ABCB7: variants seen among roughly 807,000 people sequenced by gnomAD.
The protein encoded by ABCB7 is ATP binding cassette subfamily B member 7.
ABCB7 carries 7 observed loss-of-function variants against 54.4 expected under a neutral mutation model. The observed-to-expected ratio is 0.13, with a 90% CI of 0.07 to 0.24. ABCB7 has a LOEUF of 0.24. Among genes scored for constraint, ABCB7 ranks in the 10% least tolerant of loss-of-function variants. The probability of loss-of-function intolerance (pLI) is 1.00; values close to 1 mark genes in which losing one functional copy is unlikely to be tolerated. For synonymous variants in ABCB7, 218 were observed against 207.1 expected (o/e 1.05, Z -0.45); for missense variants, 356 against 570.4 (o/e 0.62, Z 3.83).
chrX:75,082,434 C>T (rs896845394), intron 4 of ABCB7, among the ~76,000 whole-genome samples: 3 of 111,677 alleles, frequency 2.7e-5, no homozygotes, highest in Non-Finnish European at 5.6e-5. Flanking sequence ...TTTAAAAGAA[C>T]TGCTAAAGAA....
intron 4 of ABCB7, among the ~76,000 whole-genome samples, chrX:75,097,301 T>TA (rs2081599741): frequency 9.0e-6 from 1 of 111,711 alleles, no homozygotes; most frequent in African/African-American, 3.3e-5. Context: ...ATGTTATTCC[T>TA]ACACCTGTAA....
intron 4 of ABCB7, among the ~76,000 whole-genome samples, chrX:75,080,121 G>A (rs1467043903): frequency 1.8e-5 from 2 of 111,925 alleles, no homozygotes; most frequent in Non-Finnish European, 3.8e-5. Flanking sequence ...CACCCCGAAG[G>A]ACATTTTGGT....
At chrX:75,136,541 T>G (rs1425100998) in intron 1 of ABCB7, among the ~76,000 whole-genome samples, 1 of 111,451 alleles carries the variant, frequency 9.0e-6, no homozygotes, top group African/African-American at 3.3e-5. Flanking sequence ...AAAACAATCC[T>G]AAGCAAAAGC....
At chrX:75,115,300 T>A (rs796489923) in intron 1 of ABCB7, among the ~76,000 whole-genome samples, 1,265 of 52,836 alleles carry the variant, frequency 0.024, 10 homozygotes, top group South Asian at 0.063. Flanking sequence ...AAAAAAAAAA[T>A]GACAAAAATA....
chrX:75,154,808 G>A (rs776835113), intron 1 of ABCB7, among the ~76,000 whole-genome samples: 3 of 111,626 alleles, frequency 2.7e-5, no homozygotes, highest in African/African-American at 9.8e-5. Context: ...TTTAATTGCC[G>A]ATTAATTTAC....
chrX:75,098,713 C>T (rs779414731), intron 4 of ABCB7, among the ~76,000 whole-genome samples: 7 of 111,596 alleles, frequency 6.3e-5, no homozygotes, highest in Non-Finnish European at 1.1e-4. Flanking sequence ...TATCTCACAA[C>T]GGTTTCAAGG....
intron 12 of ABCB7, among the ~76,000 whole-genome samples, chrX:75,067,805 T>C (rs919079768): frequency 3.6e-5 from 4 of 111,013 alleles, no homozygotes; most frequent in African/African-American, 9.8e-5. Context: ...TTACTTAACA[T>C]ACAATCTATG....
chrX:75,059,422 G>T (rs999561341), intron 15 of ABCB7, among the ~76,000 whole-genome samples: 1 of 107,935 alleles, frequency 9.3e-6, no homozygotes, highest in Non-Finnish European at 1.9e-5. Context: ...AGTGAGCCGA[G>T]ATCGCGCCAC....
chrX:75,138,266 A>T (rs1404226119), intron 1 of ABCB7, among the ~76,000 whole-genome samples: 1 of 110,840 alleles, frequency 9.0e-6, no homozygotes, highest in Non-Finnish European at 1.9e-5. Context: ...ACGTGTTCCA[A>T]CAGAAGAAAA....
intron 1 of ABCB7, among the ~76,000 whole-genome samples, chrX:75,141,598 G>A (rs1282994158): frequency 2.7e-5 from 3 of 111,608 alleles, no homozygotes; most frequent in African/African-American, 6.5e-5. Flanking sequence ...TACAAAAGCT[G>A]TTTTCAACTT....
At chrX:75,136,334 G>A (rs749863589) in intron 1 of ABCB7, among the ~76,000 whole-genome samples, 6 of 111,271 alleles carry the variant, frequency 5.4e-5, no homozygotes, top group Non-Finnish European at 1.1e-4. Context: ...ACTGCTAAAA[G>A]AAATCAGAGA....
At chrX:75,061,437 T>C (rs1333730550) in intron 14 of ABCB7, among the ~76,000 whole-genome samples, 1 of 111,766 alleles carries the variant, frequency 8.9e-6, no homozygotes, top group Non-Finnish European at 1.9e-5. Flanking sequence ...TTCCTGTGAA[T>C]GGGGTCTGGT....
chrX:75,115,341 T>C (rs139710876), intron 1 of ABCB7, among the ~76,000 whole-genome samples: 2,000 of 99,479 alleles, frequency 0.02, 82 homozygotes, highest in African/African-American at 0.074. Context: ...AAGTAAATTG[T>C]ATTACCCATT....
chrX:75,078,226 T>C (rs776496237), intron 4 of ABCB7, among the ~76,000 whole-genome samples: 31 of 110,873 alleles, frequency 2.8e-4, no homozygotes, highest in African/African-American at 9.8e-4. Flanking sequence ...CTCTCCCCTA[T>C]CTACCTCGTC....
chrX:75,108,420 T>C lies in ABCB7; in HGVS notation c.333+4466A>G, dbSNP rs768931420. On this transcript the variant is annotated intron_variant, in intron 3 of 15. Transcript: ENST00000373394. ...TTACAGCAGATCCTCGGTGAGAACC[T>C]GTTCCTCCTCTGCTATCAGAATATA... Among the ~76,000 whole-genome samples, 7 of 111,850 alleles carry C rather than the reference T, an allele frequency of 6.3e-5. No homozygotes were observed. The South Asian group carries it at 2.6e-3, about 42-fold the overall frequency.
At chrX:75,118,419 C>T (rs1178130574) in intron 1 of ABCB7, among the ~76,000 whole-genome samples, 1 of 105,475 alleles carries the variant, frequency 9.5e-6, no homozygotes. Flanking sequence ...TTTTAAAGAG[C>T]ACTGTGGTTA....
At chrX:75,102,687 G>T (rs1378743033) in intron 3 of ABCB7, among the ~76,000 whole-genome samples, 1 of 111,287 alleles carries the variant, frequency 9.0e-6, no homozygotes, top group East Asian at 2.8e-4. Context: ...GGGATGGCTG[G>T]ATCATATGGT....
chrX:75,127,403 G>T (rs191062401), intron 1 of ABCB7, among the ~76,000 whole-genome samples: 5 of 111,347 alleles, frequency 4.5e-5, no homozygotes, highest in Admixed American at 3.8e-4. Context: ...TTGATGGAAC[G>T]CATCTCAAAA....
chrX:75,145,703 T>G (rs1274974078), intron 1 of ABCB7, among the ~76,000 whole-genome samples: 1 of 111,395 alleles, frequency 9.0e-6, no homozygotes, highest in Non-Finnish European at 1.9e-5. Flanking sequence ...CTCTCACCAC[T>G]CCTATTCAAC....
Sources: gnomAD v4.1 joint callset for allele counts (sites outside exome capture counted in the v4.1 genomes callset) on GRCh38, gnomAD v4.1.1 for gene constraint, MANE v1.5 for transcripts, NCBI Gene and HGNC (gene_info 2026-07-23, HGNC 2026-07-21) for gene names.